The following STOX2 variants were observed in gnomAD, a reference collection of about 807,000 sequenced individuals.
STOX2 encodes storkhead box 2, also known as storkhead-box protein 2.
In STOX2, 28 loss-of-function variants were observed where a neutral mutation model predicts 60.9. The ratio of observed to expected loss-of-function variants is 0.46; its 90% confidence interval spans 0.34 to 0.63. STOX2 has a LOEUF of 0.63. STOX2 is among the 30% of genes least tolerant of loss of function. The pLI is 0.01. For synonymous variants in STOX2, 472 were observed against 463.9 expected, an observed-to-expected ratio of 1.02 and a Z score of -0.22; for missense variants, 1,024 against 1,187.7, an observed-to-expected ratio of 0.86 and a Z score of 2.03.
At chr4:183,828,024 C>T (rs763759327) in intron 1 of STOX2, among the ~76,000 whole-genome samples, 25 of 152,086 alleles carry the variant, frequency 1.6e-4, no homozygotes, top group Non-Finnish European at 2.8e-4. Flanking sequence ...CTGATGTTTG[C>T]ATAAACATTT....
intron 1 of STOX2, among the ~76,000 whole-genome samples, chr4:183,914,632 G>A (rs1014330057): frequency 3.9e-5 from 6 of 152,064 alleles, no homozygotes; most frequent in East Asian, 1.9e-4. Flanking sequence ...TCATTTGTGC[G>A]GCAGTGTTCG....
At chr4:183,926,571 G>A (rs916401045) in intron 1 of STOX2, among the ~76,000 whole-genome samples, 5 of 151,972 alleles carry the variant, frequency 3.3e-5, no homozygotes, top group Admixed American at 2.0e-4. Context: ...TTCTTAGGAC[G>A]AACCTTTAGT....
Position 184,001,534 on chromosome 4 carries a change from G to C in STOX2, c.319+57G>C. The stretch of plus-strand genomic sequence containing the variant: ...TGGCGGTGTGCTGTGGTCGCTCTAG[G>C]ACTCACGTGGACTGTTCTGCCCATG... On this transcript the variant is annotated intron_variant, in intron 2 of 3. Coordinates refer to ENST00000308497, the MANE Select transcript of STOX2 (RefSeq NM_020225.3). The surrounding 1 kb of genome is among the most constrained non-coding windows in gnomAD (Gnocchi z 4.2). 1 of 1,531,346 alleles carries C rather than the reference G, an allele frequency of 6.5e-7. No individual in the cohort carries two copies. Among genetic ancestry groups the C allele is most frequent in the Non-Finnish European group, 9.0e-7 (1 of 1,115,816 alleles). 94.9% of individuals were successfully genotyped at this position (1,531,346 alleles called of 1,614,324 possible).
At chr4:184,007,012 T>C (rs1303335155) in intron 2 of STOX2, among the ~76,000 whole-genome samples, 17 of 65,602 alleles carry the variant, frequency 2.6e-4, no homozygotes, top group Admixed American at 1.7e-3. Flanking sequence ...CGAGACTCTG[T>C]CTCAAAAAAA....
chr4:184,008,631 T>C (rs1733985183), intron 2 of STOX2, among the ~76,000 whole-genome samples: 1 of 152,236 alleles, frequency 6.6e-6, no homozygotes, highest in Admixed American at 6.5e-5. Context: ...AGTTGCCCTT[T>C]TATATCATTC....
intron 1 of STOX2, among the ~76,000 whole-genome samples, chr4:183,948,173 AT>A (rs1359782860): frequency 1.5e-5 from 2 of 135,236 alleles, no homozygotes; most frequent in African/African-American, 5.3e-5. Context: ...AGCCGAGATC[AT>A]GACATTGCAC....
rs1409278455 is a variant in STOX2 at position 183,857,082 on chromosome 4, G to C, written c.364+59027G>C. ...TCTAGGGTAATCCTTCTGCCTGGTA[G>C]GATTGGTTGCCCTGTAGGACTGGTT... On this transcript the variant is annotated intron_variant, in intron 1 of 2. Coordinates refer to the STOX2 transcript ENST00000513034. Among the ~76,000 whole-genome samples, 3 of 152,154 alleles carry C rather than the reference G, an allele frequency of 2.0e-5. No homozygotes were observed. The East Asian group carries it at 5.8e-4, about 29-fold the overall frequency.
At chr4:183,861,245 A>G (rs955771586) in intron 1 of STOX2, among the ~76,000 whole-genome samples, 1 of 152,102 alleles carries the variant, frequency 6.6e-6, no homozygotes, top group Non-Finnish European at 1.5e-5. Context: ...TCTCAGAAGG[A>G]GCTGCCCCCC....
intron 1 of STOX2, among the ~76,000 whole-genome samples, chr4:183,866,469 T>C (rs990397657): frequency 1.3e-5 from 2 of 152,122 alleles, no homozygotes; most frequent in Non-Finnish European, 2.9e-5. Context: ...GGGCATCTGA[T>C]TTAAGAGCCA....
intron 1 of STOX2, among the ~76,000 whole-genome samples, chr4:183,813,538 C>T (rs1156904308): frequency 4.6e-5 from 7 of 152,082 alleles, no homozygotes; most frequent in Non-Finnish European, 5.9e-5. Flanking sequence ...CTTGAGCATC[C>T]GTGGATTTTC....
chr4:183,817,698 T>C (rs1739184303), intron 1 of STOX2, among the ~76,000 whole-genome samples: 1 of 152,206 alleles, frequency 6.6e-6, no homozygotes, highest in Non-Finnish European at 1.5e-5. Context: ...TTTAGGTGAA[T>C]TCAGGTCACC....
intron 1 of STOX2, among the ~76,000 whole-genome samples, chr4:183,996,248 C>A (rs1733342066): frequency 6.6e-6 from 1 of 152,186 alleles, no homozygotes; most frequent in African/African-American, 2.4e-5. Context: ...TAAAATCTAT[C>A]TACTCCTTTT....
chr4:184,012,932 G>A (rs542330710), intron 3 of STOX2, among the ~76,000 whole-genome samples: 10 of 151,428 alleles, frequency 6.6e-5, no homozygotes, highest in African/African-American at 2.2e-4. Context: ...TTGAGTTCCC[G>A]GTAGTGGATA....
At chr4:183,909,382 T>C (rs192567952) in intron 1 of STOX2, among the ~76,000 whole-genome samples, 1 of 152,234 alleles carries the variant, frequency 6.6e-6, no homozygotes, top group East Asian at 1.9e-4. Context: ...TGAAACCACT[T>C]AGAAACACAT....
intron 1 of STOX2, among the ~76,000 whole-genome samples, chr4:183,969,847 C>A (rs548497786): frequency 7.2e-5 from 11 of 152,256 alleles, no homozygotes; most frequent in African/African-American, 2.2e-4. Context: ...GCCTTGAATT[C>A]CTGGACTCAA....
At chr4:183,840,249 G>T (rs1739823136) in intron 1 of STOX2, among the ~76,000 whole-genome samples, 1 of 152,174 alleles carries the variant, frequency 6.6e-6, no homozygotes, top group South Asian at 2.1e-4. Context: ...CTGAAAAGCT[G>T]AATTTTTGAG....
At chr4:183,847,977 T>C (rs1192327562) in intron 1 of STOX2, among the ~76,000 whole-genome samples, 2 of 151,882 alleles carry the variant, frequency 1.3e-5, no homozygotes, top group Admixed American at 6.6e-5. Context: ...AGGAGAGAGG[T>C]TGAAGGAGAA....
chr4:183,989,278 C>T (rs1194906803), intron 1 of STOX2, among the ~76,000 whole-genome samples: 1 of 148,366 alleles, frequency 6.7e-6, no homozygotes, highest in African/African-American at 2.5e-5. Context: ...TCTCAGCTCA[C>T]TGCAACCTCC....
intron 1 of STOX2, among the ~76,000 whole-genome samples, chr4:183,874,992 TAA>T (rs1473387587): frequency 3.2e-4 from 17 of 53,122 alleles, no homozygotes; most frequent in African/African-American, 1.1e-3. Context: ...TATATATATA[TAA>T]AACTTAGAAT....
Sources: gnomAD v4.1 joint callset for allele counts (sites outside exome capture counted in the v4.1 genomes callset) on GRCh38, gnomAD v4.1.1 for gene constraint, Gnocchi (gnomAD v3.1) non-coding constraint, MANE v1.5 for transcripts, NCBI Gene and HGNC (gene_info 2026-07-23, HGNC 2026-07-21) for gene names.